Variants in THSD4 observed in about 807,000 individuals in gnomAD.
The protein encoded by THSD4 is thrombospondin type 1 domain containing 4.
THSD4 carries 69 observed loss-of-function variants against 119.0 expected under a neutral mutation model. The ratio of observed to expected loss-of-function variants is 0.58; its 90% CI spans 0.48 to 0.71. The LOEUF (loss-of-function observed/expected upper bound fraction) is 0.71. Among genes scored for constraint, THSD4 ranks in the 30% least tolerant of loss-of-function variants. The probability of loss-of-function intolerance (pLI) is 0.00; values close to 1 mark genes in which losing one functional copy is unlikely to be tolerated. For synonymous variants in THSD4, 524 were observed against 540.4 expected, an observed-to-expected ratio of 0.97 and a Z score of 0.42; for missense variants, 1,393 against 1,391.1, an observed-to-expected ratio of 1.00 and a Z score of -0.02.
rs553803164 is a variant in THSD4, at chr15:71,537,483, A to G, written c.1153-123047A>G. 2.0e-5 allele frequency among the ~76,000 whole-genome samples: 3 copies of G among 152,264 alleles called. No homozygotes were observed. In the South Asian group the frequency reaches 6.2e-4, roughly 32 times the overall value. ...TTCCTCTCAAGTCATCAGGAAGGCA[A>G]GTATTGCTCCTCTCACAAGCCAATC... On this transcript the variant is annotated intron_variant, in intron 7 of 17. Transcript: ENST00000261862.
At chr15:71,387,918 C>G (rs2046316051) in intron 6 of THSD4, among the ~76,000 whole-genome samples, 1 of 152,168 alleles carries the variant, frequency 6.6e-6, no homozygotes, top group Non-Finnish European at 1.5e-5. Context: ...TGCCTGCCAG[C>G]CAGGGATGTC....
chr15:71,299,280 T>C (rs900581749), intron 6 of THSD4, among the ~76,000 whole-genome samples: 1 of 152,196 alleles, frequency 6.6e-6, no homozygotes, highest in Non-Finnish European at 1.5e-5. Flanking sequence ...ATTTACACTG[T>C]TTAGAGAAGA....
chr15:71,684,115 T>C (rs1229683770), intron 8 of THSD4, among the ~76,000 whole-genome samples: 2 of 152,242 alleles, frequency 1.3e-5, no homozygotes, highest in African/African-American at 2.4e-5. Flanking sequence ...AGGTATTTAA[T>C]TGCATTTTGC....
intron 7 of THSD4, among the ~76,000 whole-genome samples, chr15:71,603,351 A>G (rs1002744029): frequency 1.3e-4 from 20 of 152,212 alleles, no homozygotes; most frequent in African/African-American, 4.6e-4. Context: ...CCACACAGGA[A>G]CTAAAGAAGC....
chr15:71,215,199 C>T lies in THSD4; in HGVS notation c.264C>T (p.Arg88=). Residue 88 remains arginine (R), a synonymous_variant, in exon 4 of 18, where the codon CGC becomes CGT. Transcript: ENST00000261862. ...GCCTGCCCCGCTCCTACCGCCTGCG[C>T]GGCGGCCAGCGGCCTGGCGCCCCTG... ...RPCLPRSYRL[R]GGQRPGAPAR... 1.5e-6 allele frequency: 2 copies of T among 1,356,516 alleles called. No homozygotes were observed. Among genetic ancestry groups the T allele is most frequent in the Non-Finnish European group, 1.9e-6 (2 of 1,059,194 alleles). 84.0% of individuals were successfully genotyped at this position (1,356,516 alleles called of 1,614,324 possible).
At chr15:71,168,969 G>A (rs1488449311) in intron 3 of THSD4, among the ~76,000 whole-genome samples, 4 of 152,118 alleles carry the variant, frequency 2.6e-5, no homozygotes, top group East Asian at 1.9e-4. Flanking sequence ...CATTCGAGTC[G>A]AGGTTGTTTA....
At position 71,780,802 on chromosome 15, in the gene THSD4, T is replaced by G. The variant is rs1341995017; in HGVS notation, c.*3428T>G. ...TACTCATCTACTTATTCTCAAAGTATTTAGCATTCAACACTCTTTTTGCTT... is the reference window on the plus strand; with the variant it reads ...TACTCATCTACTTATTCTCAAAGTAGTTAGCATTCAACACTCTTTTTGCTT... On this transcript the variant is annotated 3_prime_UTR_variant, in exon 18 of 18. Coordinates refer to ENST00000261862, the MANE Select transcript of THSD4 (RefSeq NM_024817.3). The G allele has an allele frequency of 2.2e-6, 1 of 456,224 alleles. No homozygotes were observed. Among genetic ancestry groups the G allele is most frequent in the South Asian group, 1.5e-5 (1 of 64,532 alleles). 28.3% of individuals were successfully genotyped at this position (456,224 alleles called of 1,614,324 possible). A position where few individuals can be genotyped will look rare whatever the true frequency, so the allele number is the denominator to read the frequency against.
chr15:71,598,500 G>T (rs1471039594), intron 7 of THSD4, among the ~76,000 whole-genome samples: 1 of 152,102 alleles, frequency 6.6e-6, no homozygotes, highest in Non-Finnish European at 1.5e-5. Flanking sequence ...GGGGAGAAGG[G>T]TCCACCGTTT....
intron 6 of THSD4, among the ~76,000 whole-genome samples, chr15:71,353,444 G>A (rs989383848): frequency 3.9e-5 from 6 of 152,228 alleles, no homozygotes; most frequent in African/African-American, 1.4e-4. Flanking sequence ...CAGAGCAGAT[G>A]AGAAAGAACA....
intron 8 of THSD4, among the ~76,000 whole-genome samples, chr15:71,690,461 C>A (rs1223243171): frequency 3.3e-5 from 5 of 152,106 alleles, no homozygotes; most frequent in African/African-American, 1.2e-4. Context: ...GCGTGGGGAC[C>A]TGAGATGGCA....
chr15:71,168,707 G>C lies in THSD4; in HGVS notation c.99+13775G>C, dbSNP rs189457455. ...GGTTACAGGCACTATTAATGCGGTA[G>C]GATGTGCAACCAGTGACTTCAAATT... is the stretch of plus-strand genomic sequence containing the variant. On this transcript the variant is annotated intron_variant, in intron 3 of 17. Transcript: ENST00000261862. Among the ~76,000 whole-genome samples the C allele has an allele frequency of 2.6e-5, 4 of 152,194 alleles. No homozygotes were observed. The South Asian group carries it at 8.3e-4, about 31-fold the overall frequency.
At chr15:71,579,112 G>A (rs2049511730) in intron 7 of THSD4, among the ~76,000 whole-genome samples, 2 of 152,028 alleles carry the variant, frequency 1.3e-5, no homozygotes, top group African/African-American at 2.4e-5. Context: ...CAAAGTGCTG[G>A]GATTACAGGC....
intron 7 of THSD4, among the ~76,000 whole-genome samples, chr15:71,490,283 G>C (rs140751359): frequency 6.6e-6 from 1 of 151,826 alleles, no homozygotes; most frequent in Non-Finnish European, 1.5e-5. Context: ...AAATTAGGCC[G>C]GGCGTGGTGG....
chr15:71,319,718 T>A (rs1243036433), intron 6 of THSD4, among the ~76,000 whole-genome samples: 1 of 152,130 alleles, frequency 6.6e-6, no homozygotes, highest in Admixed American at 6.6e-5. Context: ...TACGTGTGCA[T>A]GTGTCTTTAT....
At chr15:71,625,481 A>G (rs531285235) in intron 7 of THSD4, among the ~76,000 whole-genome samples, 1 of 152,312 alleles carries the variant, frequency 6.6e-6, no homozygotes, top group African/African-American at 2.4e-5. Context: ...GAAGTTTGAA[A>G]AATTCTGCAC....
At chr15:71,683,317 A>G (rs1366357358) in intron 8 of THSD4, among the ~76,000 whole-genome samples, 1 of 151,994 alleles carries the variant, frequency 6.6e-6, no homozygotes, top group African/African-American at 2.4e-5. Flanking sequence ...AAAAAATCCT[A>G]TGGGTGTTTG....
intron 6 of THSD4, among the ~76,000 whole-genome samples, chr15:71,277,827 A>G (rs1407965090): frequency 6.6e-6 from 1 of 151,978 alleles, no homozygotes; most frequent in Non-Finnish European, 1.5e-5. Flanking sequence ...GAAGGTAGAT[A>G]CCTCCCAGCC....
At chr15:71,243,137 C>A (rs778724861) in intron 5 of THSD4, 41 bp downstream of exon 5, 57 of 1,560,400 alleles carry the variant, frequency 3.7e-5, no homozygotes, top group Non-Finnish European at 4.8e-5. Flanking sequence ...AAACAGCTGC[C>A]CCTCGTTTTT....
intron 3 of THSD4, 124 bp from the exon 4 acceptor site, chr15:71,214,911 A>C: frequency 8.4e-7 from 1 of 1,194,924 alleles, no homozygotes. Flanking sequence ...GGATTGTATT[A>C]ATACTTATCT....
Sources: gnomAD v4.1 joint callset for allele counts (sites outside exome capture counted in the v4.1 genomes callset) on GRCh38, gnomAD v4.1.1 for gene constraint, MANE v1.5 for transcripts, NCBI Gene and HGNC (gene_info 2026-07-23, HGNC 2026-07-21) for gene names.